The following BRAF variants were observed in gnomAD, a reference collection of about 807,000 sequenced individuals.
The protein encoded by BRAF is serine/threonine-protein kinase B-raf.
Under a neutral mutation model 104.6 loss-of-function variants are expected in BRAF, and 16 were observed. The ratio of observed to expected loss-of-function variants is 0.15; its 90% confidence interval spans 0.10 to 0.23. The LOEUF (loss-of-function observed/expected upper bound fraction) is 0.23, where lower values mean the gene tolerates loss of function less well. Among genes scored for constraint, BRAF ranks in the 10% least tolerant of loss-of-function variants. The probability of loss-of-function intolerance (pLI) is 1.00; values close to 1 mark genes in which losing one functional copy is unlikely to be tolerated. For missense variants in BRAF, 541 were observed against 937.3 expected (o/e 0.58, Z 5.52); for synonymous variants, 310 against 341.6 (o/e 0.91, Z 1.02).
chr7:140,775,289 T>C (rs1292433421), intron 14 of BRAF, among the ~76,000 whole-genome samples: 1 of 152,180 alleles, frequency 6.6e-6, no homozygotes, highest in African/African-American at 2.4e-5. Context: ...GAATAAGCCT[T>C]TGTTTCTCAC....
At chr7:140,727,016 ACTGC>A (rs2130834772) in intron 19 of BRAF, among the ~76,000 whole-genome samples, 1 of 152,308 alleles carries the variant, frequency 6.6e-6, no homozygotes, top group South Asian at 2.1e-4. Context: ...GAAAATCCAG[ACTGC>A]CTATTTTCTA....
chr7:140,728,754 G>A (rs1284716597), intron 19 of BRAF, among the ~76,000 whole-genome samples: 1 of 152,010 alleles, frequency 6.6e-6, no homozygotes, highest in Non-Finnish European at 1.5e-5. Context: ...ACATTCTTAT[G>A]AGTAATCATG....
chr7:140,747,091 T>C (rs1243879394), intron 17 of BRAF, among the ~76,000 whole-genome samples: 1 of 152,150 alleles, frequency 6.6e-6, no homozygotes, highest in East Asian at 1.9e-4. Context: ...GTATTATAGA[T>C]AGCAAAAGAA....
At chr7:140,831,571 T>A (rs1400585678) in intron 3 of BRAF, among the ~76,000 whole-genome samples, 3 of 152,154 alleles carry the variant, frequency 2.0e-5, no homozygotes, top group African/African-American at 7.2e-5. Flanking sequence ...ACTAACAGGA[T>A]CCCCTTGTTG....
intron 19 of BRAF, chr7:140,732,329 A>G (rs1372545411): frequency 6.6e-6 from 1 of 151,526 alleles, no homozygotes; most frequent in African/African-American, 2.4e-5. Context: ...TTAACTCTAC[A>G]TATGGTTAGA....
chr7:140,761,778 A>G (rs1046011920), intron 14 of BRAF, among the ~76,000 whole-genome samples: 2 of 152,232 alleles, frequency 1.3e-5, no homozygotes, highest in African/African-American at 4.8e-5. Context: ...AACAAAGATC[A>G]AAAGAGACCA....
Position 140,726,078 on chromosome 7 carries a change from T to G in BRAF, c.*416A>C. On this transcript the variant is annotated 3_prime_UTR_variant, in exon 20 of 20. Coordinates refer to ENST00000644969, the MANE Select transcript of BRAF (RefSeq NM_001374258.1). ...AGGAAAGAGAACGATGCTTGGTGATTGAAACTGCCCCATCAGATGATCAGC... is the reference window on the plus strand; with the variant it reads ...AGGAAAGAGAACGATGCTTGGTGATGGAAACTGCCCCATCAGATGATCAGC... 1 of 1,082,482 alleles carries G rather than the reference T, an allele frequency of 9.2e-7. No individual in the cohort carries two copies. The highest frequency in any genetic ancestry group is 1.1e-6 in the Non-Finnish European group (1 of 890,920). The allele number at this position is 1,082,482 out of a possible 1,614,324, so 67.1% of individuals were successfully genotyped here. A position where few individuals can be genotyped will look rare whatever the true frequency, so the allele number is the denominator to read the frequency against.
chr7:140,742,394 A>T (rs1562935642), intron 17 of BRAF, among the ~76,000 whole-genome samples: 1 of 151,924 alleles, frequency 6.6e-6, no homozygotes, highest in Non-Finnish European at 1.5e-5. Context: ...GGGTTTCACC[A>T]TGTTGGCCAG....
intron 2 of BRAF, among the ~76,000 whole-genome samples, chr7:140,841,976 T>C (rs1586366703): frequency 6.6e-6 from 1 of 152,142 alleles, no homozygotes; most frequent in African/African-American, 2.4e-5. Flanking sequence ...TTAATTAAAT[T>C]TAGTCTAATT....
At chr7:140,832,453 T>A (rs1314347756) in intron 3 of BRAF, among the ~76,000 whole-genome samples, 2 of 152,132 alleles carry the variant, frequency 1.3e-5, no homozygotes, top group Non-Finnish European at 2.9e-5. Flanking sequence ...TAACTGTTAA[T>A]GTTAATAAGA....
chr7:140,760,763 G>T (rs534439699), intron 14 of BRAF, among the ~76,000 whole-genome samples: 1 of 152,296 alleles, frequency 6.6e-6, no homozygotes, highest in East Asian at 1.9e-4. Flanking sequence ...AGGAGCCGAT[G>T]CGATCAACTG....
chr7:140,879,511 A>T (rs1812634668), intron 1 of BRAF, among the ~76,000 whole-genome samples: 1 of 148,330 alleles, frequency 6.7e-6, no homozygotes, highest in Non-Finnish European at 1.5e-5. Context: ...AAAAAAGTGT[A>T]GCTATAATGT....
chr7:140,805,555 T>C (rs1030218057), intron 5 of BRAF, among the ~76,000 whole-genome samples: 1 of 152,072 alleles, frequency 6.6e-6, no homozygotes, highest in African/African-American at 2.4e-5. Flanking sequence ...AGCTTACACT[T>C]AATCTAGTAT....
At chr7:140,804,815 C>CT (rs61522244) in intron 5 of BRAF, among the ~76,000 whole-genome samples, 70 of 149,314 alleles carry the variant, frequency 4.7e-4, no homozygotes, top group East Asian at 3.3e-3. Flanking sequence ...TTTTTCTTTT[C>CT]TTTTTTTTTT....
At chr7:140,804,689 A>G (rs1047022089) in intron 5 of BRAF, among the ~76,000 whole-genome samples, 1 of 152,212 alleles carries the variant, frequency 6.6e-6, no homozygotes, top group African/African-American at 2.4e-5. Context: ...GTATTCATAC[A>G]ACACTACTTA....
intron 1 of BRAF, among the ~76,000 whole-genome samples, chr7:140,918,450 G>A (rs1478172615): frequency 1.3e-5 from 2 of 152,192 alleles, no homozygotes; most frequent in East Asian, 3.9e-4. Context: ...TCACTTGCCT[G>A]CCACTCACCT....
At chr7:140,891,562 T>C (rs993128231) in intron 1 of BRAF, among the ~76,000 whole-genome samples, 3 of 152,212 alleles carry the variant, frequency 2.0e-5, no homozygotes, top group African/African-American at 7.2e-5. Flanking sequence ...AATCCTAGGA[T>C]GCAGAACTTG....
intron 1 of BRAF, among the ~76,000 whole-genome samples, chr7:140,919,069 C>T (rs1435780296): frequency 6.6e-6 from 1 of 151,470 alleles, no homozygotes; most frequent in African/African-American, 2.4e-5. Context: ...AAGGCGTGAA[C>T]CCGGGAGGCA....
the BRAF span, among the ~76,000 whole-genome samples, chr7:140,714,268 T>C: frequency 6.6e-6 from 1 of 152,222 alleles, no homozygotes; most frequent in Non-Finnish European, 1.5e-5. Context: ...GCCAGAGGAA[T>C]GGGTGAAGCA....
Sources: allele counts gnomAD v4.1 joint callset (sites outside exome capture counted in the v4.1 genomes callset), GRCh38; gene constraint gnomAD v4.1.1; transcripts MANE v1.5; gene names NCBI Gene and HGNC (gene_info 2026-07-23, HGNC 2026-07-21).